The following SIPA1L2 variants were observed in gnomAD, a reference collection of about 807,000 sequenced individuals.
The protein encoded by SIPA1L2 is signal-induced proliferation-associated 1-like protein 2.
SIPA1L2 carries 56 observed loss-of-function variants against 163.9 expected under a neutral mutation model. The ratio of observed to expected loss-of-function variants is 0.34; its 90% CI spans 0.28 to 0.43. The LOEUF (loss-of-function observed/expected upper bound fraction) is 0.43. Among genes scored for constraint, SIPA1L2 ranks in the 20% least tolerant of loss-of-function variants. The probability of loss-of-function intolerance (pLI) is 1.00; values close to 1 mark genes in which losing one functional copy is unlikely to be tolerated. For missense variants in SIPA1L2, 1,974 were observed against 2,193.5 expected (o/e 0.90, Z 2.00); for synonymous variants, 877 against 865.7 (o/e 1.01, Z -0.23).
chr1:232,514,122 G>C lies in SIPA1L2; in HGVS notation c.1218C>G (p.Val406=). The part of the protein sequence containing the change: ...DEGDGKSNDL[V]LSCPYFRNET... The stretch of plus-strand genomic sequence containing the variant: ...CATTTCTAAAGTAAGGACAACTAAG[G>C]ACGAGGTCGTTACTTTTCCCATCAC... The change falls in exon 3 of 23, where the codon GTC becomes GTG. Residue 406 remains valine (V), a synonymous_variant. Transcript: ENST00000674635. The C allele has an allele frequency of 6.2e-7, 1 of 1,614,202 alleles. No individual in the cohort carries two copies. Among genetic ancestry groups the C allele is most frequent in the Non-Finnish European group, 8.5e-7 (1 of 1,180,040 alleles).
rs1411086729 is a variant in SIPA1L2, at chr1:232,415,522, G to A, written c.4734C>T (p.His1578=). The A allele has an allele frequency of 6.2e-7, 1 of 1,612,844 alleles. No individual in the cohort carries two copies. Among genetic ancestry groups the A allele is most frequent in the Non-Finnish European group, 8.5e-7 (1 of 1,179,456 alleles). Residue 1578 remains histidine, a synonymous_variant, in exon 19 of 23, where the codon CAC becomes CAT. Coordinates refer to ENST00000674635, the MANE Select transcript of SIPA1L2 (RefSeq NM_020808.5). ...PDTATGLDWT[H]LVDAARAFEG... is the part of the protein sequence containing the mutation. ...CAAATGCCCGTGCAGCATCCACGAG[G>A]TGGGTCCAATCTAACCCTGTGGCTG... is the stretch of plus-strand genomic sequence containing the variant.
chr1:232,461,658 T>G (rs1432238462), intron 9 of SIPA1L2, among the ~76,000 whole-genome samples: 1 of 152,220 alleles, frequency 6.6e-6, no homozygotes, highest in East Asian at 1.9e-4. Flanking sequence ...TGAGACAATT[T>G]ATTCATCCCA....
chr1:232,462,158 A>T, intron 9 of SIPA1L2: 1 of 1,409,846 alleles, frequency 7.1e-7, no homozygotes, highest in Non-Finnish European at 9.8e-7. Context: ...TTGGTACATT[A>T]AAGCACCACT....
intron 4 of SIPA1L2, among the ~76,000 whole-genome samples, chr1:232,492,486 T>C (rs1665982092): frequency 6.6e-6 from 1 of 152,124 alleles, no homozygotes; most frequent in African/African-American, 2.4e-5. Flanking sequence ...GCTGGGACAA[T>C]AGGCATGTGT....
chr1:232,425,651 G>T lies in SIPA1L2; in HGVS notation c.4568C>A (p.Pro1523Gln). 6.2e-7 allele frequency: 1 copy of T among 1,613,058 alleles called. No individual in the cohort carries two copies. Among genetic ancestry groups the T allele is most frequent in the South Asian group, 1.1e-5 (1 of 90,846 alleles). The change falls in exon 18 of 23, where the codon CCA (proline) becomes CAA (glutamine). Residue 1523 changes from proline to glutamine, a missense_variant. Physicochemically the swap from Pro to Gln is moderately conservative, Grantham distance 76 (BLOSUM62 -1). This residue lies in a region of SIPA1L2 where 1,079 missense variants were observed against 1,150.7 expected (regional missense o/e 0.94). Coordinates refer to ENST00000674635, the MANE Select transcript of SIPA1L2 (RefSeq NM_020808.5). ...LPNDILFSTT[P>Q]PYHSTLPPRA... is the part of the protein sequence containing the mutation. ...CGGAGGCAGCGTGCTGTGGTAGGGT[G>T]GGGTGGTGCTGAACAGAATGTCGTT...
At chr1:232,483,130 A>G (rs1665449539) in intron 6 of SIPA1L2, among the ~76,000 whole-genome samples, 1 of 151,834 alleles carries the variant, frequency 6.6e-6, no homozygotes, top group Non-Finnish European at 1.5e-5. Context: ...AAATTCATGC[A>G]TCCTAGGAGG....
chr1:232,561,525 C>T (rs1490087440), intron 2 of SIPA1L2: 1 of 152,132 alleles, frequency 6.6e-6, no homozygotes, highest in Non-Finnish European at 1.5e-5. Flanking sequence ...CCTTCTCTAC[C>T]ACAGGGGAGC....
intron 1 of SIPA1L2, among the ~76,000 whole-genome samples, chr1:232,628,794 C>T (rs1315076951): frequency 6.6e-6 from 1 of 152,104 alleles, no homozygotes; most frequent in Non-Finnish European, 1.5e-5. Flanking sequence ...AGAAAGCCAT[C>T]TAGTGTTAAC....
intron 19 of SIPA1L2, among the ~76,000 whole-genome samples, chr1:232,405,655 A>C (rs773224991): frequency 6.6e-6 from 1 of 152,166 alleles, no homozygotes; most frequent in Non-Finnish European, 1.5e-5. Context: ...AATCTTTAGG[A>C]GATATATTTT....
intron 2 of SIPA1L2, among the ~76,000 whole-genome samples, chr1:232,536,818 TAA>T (rs1657335621): frequency 6.6e-6 from 1 of 152,166 alleles, no homozygotes; most frequent in Admixed American, 6.5e-5. Flanking sequence ...GTTGAGGTGA[TAA>T]AGAGTCAAAA....
chr1:232,426,527 A>G (rs532130674), intron 17 of SIPA1L2, among the ~76,000 whole-genome samples: 71 of 152,212 alleles, frequency 4.7e-4, no homozygotes, highest in African/African-American at 1.6e-3. Flanking sequence ...GGGCATGGTG[A>G]TGCACGCCTG....
At chr1:232,524,933 T>C (rs1667622527) in intron 2 of SIPA1L2, among the ~76,000 whole-genome samples, 1 of 152,192 alleles carries the variant, frequency 6.6e-6, no homozygotes, top group Admixed American at 6.5e-5. Flanking sequence ...CTAACTTACA[T>C]ATATACAAAT....
At chr1:232,429,138 G>C (rs61823570) in intron 16 of SIPA1L2, among the ~76,000 whole-genome samples, 22,410 of 152,250 alleles carry the variant, frequency 0.15, 2,010 homozygotes, top group Non-Finnish European at 0.2. Context: ...AGACAACAAA[G>C]GAGTGTCAAG....
intron 22 of SIPA1L2, among the ~76,000 whole-genome samples, chr1:232,400,603 C>T (rs1185728527): frequency 6.6e-6 from 1 of 152,086 alleles, no homozygotes; most frequent in East Asian, 1.9e-4. Flanking sequence ...GACCTGCTAC[C>T]CCTCCTGGCT....
intron 3 of SIPA1L2, among the ~76,000 whole-genome samples, chr1:232,499,721 G>C (rs1481373888): frequency 1.3e-5 from 2 of 152,224 alleles, no homozygotes; most frequent in Non-Finnish European, 2.9e-5. Context: ...AGATGAAACA[G>C]CCTTCTAATA....
intron 9 of SIPA1L2, among the ~76,000 whole-genome samples, chr1:232,464,060 C>T (rs1351761131): frequency 6.6e-6 from 1 of 152,030 alleles, no homozygotes; most frequent in Admixed American, 6.5e-5. Flanking sequence ...AAAAAAATTA[C>T]ATCCCTCTTG....
In SIPA1L2 at chr1:232,610,889, A is replaced by G. The variant is rs149849381; in HGVS notation, c.-319+18980T>C. On this transcript the variant is annotated intron_variant, in intron 1 of 22. Coordinates refer to ENST00000674635, the MANE Select transcript of SIPA1L2 (RefSeq NM_020808.5). Reference sequence around the variant, plus strand: ...TTAAAAAAAGTAAAATAAAAACTCTATTTATACTAACAATAGGCCTGAAAC... The same window carrying G: ...TTAAAAAAAGTAAAATAAAAACTCTGTTTATACTAACAATAGGCCTGAAAC... 7.9e-5 allele frequency among the ~76,000 whole-genome samples: 12 copies of G among 152,282 alleles called. No individual in the cohort carries two copies. The East Asian group carries it at 2.1e-3, about 27-fold the overall frequency.
intron 18 of SIPA1L2, among the ~76,000 whole-genome samples, chr1:232,425,175 G>A (rs543715319): frequency 2.6e-5 from 4 of 152,162 alleles, no homozygotes; most frequent in Admixed American, 2.0e-4. Flanking sequence ...GTACTGAACT[G>A]CACGAAGAAA....
At chr1:232,521,509 C>CT (rs1219500150) in intron 2 of SIPA1L2, among the ~76,000 whole-genome samples, 18 of 152,304 alleles carry the variant, frequency 1.2e-4, no homozygotes, top group Admixed American at 3.3e-4. Context: ...TTGGGTGACT[C>CT]TGTAAGTAAA....
Sources: gnomAD v4.1 joint callset for allele counts (sites outside exome capture counted in the v4.1 genomes callset) on GRCh38, gnomAD v4.1.1 for gene constraint, gnomAD v4.1.1 regional missense constraint, MANE v1.5 for transcripts, NCBI Gene and HGNC (gene_info 2026-07-23, HGNC 2026-07-21) for gene names.